The following L3MBTL4 variants were observed in gnomAD, a reference collection of about 807,000 sequenced individuals.
The protein encoded by L3MBTL4 is L3MBTL histone methyl-lysine binding protein 4, also known as lethal(3)malignant brain tumor-like protein 4.
Under a neutral mutation model 84.5 loss-of-function variants are expected in L3MBTL4, and 70 were observed. The ratio of observed to expected loss-of-function variants is 0.83; its 90% CI spans 0.68 to 1.01. L3MBTL4 has a LOEUF of 1.01. Among genes scored for constraint, L3MBTL4 ranks in the 50% least tolerant of loss-of-function variants. L3MBTL4 has a pLI of 0.00. For synonymous variants in L3MBTL4, 274 were observed against 259.8 expected (o/e 1.05, Z -0.52); for missense variants, 715 against 754.8 (o/e 0.95, Z 0.62).
chr18:6,357,053 C>A (rs1237598931), intron 1 of L3MBTL4, among the ~76,000 whole-genome samples: 2 of 152,162 alleles, frequency 1.3e-5, no homozygotes, highest in African/African-American at 2.4e-5. Flanking sequence ...TATATGCAGT[C>A]CGTCACTGAT....
In L3MBTL4 at chr18:6,042,619, C is replaced by T. The variant is rs565777791; in HGVS notation, c.1444+38262G>A. Among the ~76,000 whole-genome samples the T allele has an allele frequency of 5.3e-5, 8 of 152,300 alleles. No individual in the cohort carries two copies. The South Asian group carries it at 1.7e-3, about 32-fold the overall frequency. On this transcript the variant is annotated intron_variant, in intron 16 of 18. Transcript: ENST00000317931. ...TTGTCCAGTACTGAGACCTCTTTTTCCTCTAGCTTTTTCTCTCCGTACTTG... is the reference window on the plus strand; with the variant it reads ...TTGTCCAGTACTGAGACCTCTTTTTTCTCTAGCTTTTTCTCTCCGTACTTG...
intron 16 of L3MBTL4, among the ~76,000 whole-genome samples, chr18:6,007,942 C>A (rs2054566256): frequency 6.6e-6 from 1 of 152,148 alleles, no homozygotes; most frequent in Non-Finnish European, 1.5e-5. Context: ...CTTGCTTATG[C>A]CTAAAGAAAC....
chr18:6,052,544 G>A (rs532098209), intron 16 of L3MBTL4, among the ~76,000 whole-genome samples: 2 of 152,282 alleles, frequency 1.3e-5, no homozygotes, highest in East Asian at 1.9e-4. Context: ...GCACTTCTAC[G>A]CCTCTTGTGG....
At chr18:6,247,304 C>T (rs1320485998) in intron 5 of L3MBTL4, among the ~76,000 whole-genome samples, 2 of 151,986 alleles carry the variant, frequency 1.3e-5, no homozygotes, top group Non-Finnish European at 2.9e-5. Context: ...TTCCAACACT[C>T]ACCCCCATAC....
chr18:6,303,786 G>A (rs2050447948), intron 3 of L3MBTL4, among the ~76,000 whole-genome samples: 2 of 152,020 alleles, frequency 1.3e-5, no homozygotes, highest in Non-Finnish European at 1.5e-5. Flanking sequence ...GCTGACGCGG[G>A]AGGATCACCT....
chr18:6,173,271 A>G (rs1021152364), intron 12 of L3MBTL4, among the ~76,000 whole-genome samples: 3 of 152,222 alleles, frequency 2.0e-5, no homozygotes, highest in Admixed American at 6.5e-5. Flanking sequence ...GACATCGGAC[A>G]ATAGGCAGCA....
At chr18:6,249,451 A>G (rs1392537052) in intron 5 of L3MBTL4, among the ~76,000 whole-genome samples, 1 of 152,214 alleles carries the variant, frequency 6.6e-6, no homozygotes, top group Non-Finnish European at 1.5e-5. Flanking sequence ...TAAGATGATC[A>G]ATGTTACTCT....
intron 1 of L3MBTL4, among the ~76,000 whole-genome samples, chr18:6,393,556 C>T (rs2055146415): frequency 6.6e-6 from 1 of 152,226 alleles, no homozygotes; most frequent in Admixed American, 6.5e-5. Context: ...CCACCCAAGA[C>T]TATCTCCATC....
chr18:6,408,991 A>C (rs1421515622), intron 1 of L3MBTL4, among the ~76,000 whole-genome samples: 1 of 152,126 alleles, frequency 6.6e-6, no homozygotes, highest in Non-Finnish European at 1.5e-5. Flanking sequence ...CCAGTCTTCA[A>C]AGGTAAGGAA....
intron 1 of L3MBTL4, among the ~76,000 whole-genome samples, chr18:6,338,607 T>C (rs1270032952): frequency 6.6e-6 from 1 of 151,762 alleles, no homozygotes; most frequent in Non-Finnish European, 1.5e-5. Context: ...ATGTATCAAG[T>C]AGAAGACAAA....
chr18:6,032,127 G>A (rs537278500), intron 16 of L3MBTL4: 30 of 251,222 alleles, frequency 1.2e-4, no homozygotes, highest in African/African-American at 5.9e-4. Flanking sequence ...ATAGGCACCC[G>A]CCACCACGCC....
intron 1 of L3MBTL4, among the ~76,000 whole-genome samples, chr18:6,408,868 G>A (rs1303458496): frequency 1.3e-5 from 2 of 151,806 alleles, no homozygotes; most frequent in Non-Finnish European, 2.9e-5. Flanking sequence ...GTAGAGATGG[G>A]GTTTCGCCAT....
intron 12 of L3MBTL4, among the ~76,000 whole-genome samples, chr18:6,181,797 T>A (rs1462835516): frequency 6.6e-6 from 1 of 152,242 alleles, no homozygotes; most frequent in African/African-American, 2.4e-5. Context: ...TCACTTAGGA[T>A]AACGGTCTCC....
intron 12 of L3MBTL4, among the ~76,000 whole-genome samples, chr18:6,187,732 C>G (rs2044844326): frequency 6.6e-6 from 1 of 152,120 alleles, no homozygotes; most frequent in African/African-American, 2.4e-5. Flanking sequence ...GAATGACTTT[C>G]AAGCAATGGA....
In L3MBTL4 at chr18:6,299,040, C is replaced by T. The variant is rs535502425; in HGVS notation, c.127+2863G>A. Among the ~76,000 whole-genome samples the T allele has an allele frequency of 5.3e-5, 8 of 152,218 alleles. No homozygotes were observed. In the South Asian group the frequency reaches 8.3e-4, roughly 16 times the overall value. On this transcript the variant is annotated intron_variant, in intron 4 of 18. Transcript: ENST00000317931. ...GTTGTTTTTATTTTAGATATTCAAA[C>T]GTAAAGGCATATAGGTCTGGGATTA...
chr18:6,145,591 T>A (rs113223321), intron 13 of L3MBTL4, among the ~76,000 whole-genome samples: 48 of 147,908 alleles, frequency 3.2e-4, no homozygotes, highest in African/African-American at 1.3e-3. Context: ...AGCAAGTTTT[T>A]TTTTTTTTTG....
intron 3 of L3MBTL4, among the ~76,000 whole-genome samples, chr18:6,308,143 C>G (rs12964678): frequency 2.0e-5 from 3 of 152,160 alleles, no homozygotes; most frequent in African/African-American, 4.8e-5. Context: ...TGACACTTAT[C>G]TTTGTGTTGG....
intron 16 of L3MBTL4, among the ~76,000 whole-genome samples, chr18:6,057,509 GT>G (rs2145857824): frequency 6.6e-6 from 1 of 152,122 alleles, no homozygotes; most frequent in East Asian, 1.9e-4. Flanking sequence ...TTCTCTCTCT[GT>G]TTAGTTTCTA....
chr18:6,055,133 T>C lies in L3MBTL4; in HGVS notation c.1444+25748A>G, dbSNP rs139135018. Among the ~76,000 whole-genome samples the C allele has an allele frequency of 6.2e-4, 95 of 152,352 alleles. 1 individual carries two copies. The highest frequency in any genetic ancestry group is 2.2e-3 in the African/African-American group (91 of 41,582). On this transcript the variant is annotated intron_variant, in intron 16 of 18. Coordinates refer to ENST00000317931, the MANE Select transcript of L3MBTL4 (RefSeq NM_001330559.2). ...TTTTCAGTGACTAGTTATATCATCC[T>C]GAGTTACATATGAAAGAGAAACCAT...
Sources: gnomAD v4.1 joint callset for allele counts (sites outside exome capture counted in the v4.1 genomes callset) on GRCh38, gnomAD v4.1.1 for gene constraint, MANE v1.5 for transcripts, NCBI Gene and HGNC (gene_info 2026-07-23, HGNC 2026-07-21) for gene names.